PLD1: variants seen among roughly 807,000 people sequenced by gnomAD.
PLD1 encodes the protein phospholipase D1.
In PLD1, 112 loss-of-function variants were observed where a neutral mutation model predicts 137.1. That is an observed-to-expected ratio of 0.82 (90% CI 0.70 to 0.96). PLD1 has a LOEUF of 0.96. Among genes scored for constraint, PLD1 ranks in the 40% least tolerant of loss-of-function variants. The probability of loss-of-function intolerance (pLI) is 0.00; values close to 1 mark genes in which losing one functional copy is unlikely to be tolerated. For synonymous variants in PLD1, 431 were observed against 454.7 expected, an observed-to-expected ratio of 0.95 and a Z score of 0.66; for missense variants, 1,321 against 1,342.0, an observed-to-expected ratio of 0.98 and a Z score of 0.24.
chr3:171,713,887 G>A lies in PLD1; in HGVS notation c.911+6C>T, dbSNP rs756864486. 2.5e-6 allele frequency: 4 copies of A among 1,606,204 alleles called. No individual in the cohort carries two copies. The highest frequency in any genetic ancestry group is 3.4e-6 in the Non-Finnish European group (4 of 1,173,756). On this transcript the variant is annotated splice_donor_region_variant and intron_variant, in intron 9 of 26. Transcript: ENST00000351298. ...GAAATCTTTTTTAAATATTTGAAAT[G>A]TGTACCTTGAAAGATTATCAATTCG...
chr3:171,671,562 A>C (rs1712755888), intron 19 of PLD1, among the ~76,000 whole-genome samples: 3 of 152,256 alleles, frequency 2.0e-5, no homozygotes, highest in African/African-American at 7.2e-5. Flanking sequence ...TGCTCTCATT[A>C]TCTCTCTAGT....
rs755112865 is a variant in PLD1, at chr3:171,676,762, C to G, written c.2068G>C (p.Ala690Pro). 1.2e-6 allele frequency: 2 copies of G among 1,614,152 alleles called. No individual in the cohort carries two copies. The highest frequency in any genetic ancestry group is 1.7e-5 in the Admixed American group (1 of 60,028). ...DIASAVHGKA[A>P]RDVARHFIQR... ...ATGAAGTGACGTGCCACATCACGAG[C>G]CGCCTTCCCGTGGACTGCAGAGGCA... Residue 690 changes from alanine to proline, a missense_variant, in exon 18 of 27, where the codon GCT (alanine) becomes CCT (proline). By Grantham distance (27) the Ala-to-Pro change is conservative. Coordinates refer to ENST00000351298, the MANE Select transcript of PLD1 (RefSeq NM_002662.5).
At chr3:171,788,210 T>C (rs1172045453) in intron 1 of PLD1, among the ~76,000 whole-genome samples, 1 of 147,978 alleles carries the variant, frequency 6.8e-6, no homozygotes, top group African/African-American at 2.5e-5. Flanking sequence ...AAAAAAATAA[T>C]AATAAATTAA....
At chr3:171,800,410 T>C (rs541473505) in intron 1 of PLD1, among the ~76,000 whole-genome samples, 35 of 152,290 alleles carry the variant, frequency 2.3e-4, no homozygotes, top group African/African-American at 8.2e-4. Context: ...GGTTTCACCA[T>C]GTTGGCCAGG....
At chr3:171,787,397 G>A (rs1283000855) in intron 1 of PLD1, among the ~76,000 whole-genome samples, 1 of 151,972 alleles carries the variant, frequency 6.6e-6, no homozygotes, top group Admixed American at 6.6e-5. Flanking sequence ...CTTTCTCTTG[G>A]CAATGCCTTC....
intron 1 of PLD1, chr3:171,792,767 T>C (rs1723270521): frequency 2.3e-6 from 1 of 442,042 alleles, no homozygotes; most frequent in South Asian, 1.6e-5. Context: ...AGCCCCACCC[T>C]CCCCCCAGAT....
intron 1 of PLD1, chr3:171,765,465 T>A (rs1192532801): frequency 6.6e-6 from 1 of 152,210 alleles, no homozygotes; most frequent in African/African-American, 2.4e-5. Context: ...AGGTAAGTTC[T>A]GAATGGTGTT....
chr3:171,684,171 T>C (rs778732182), intron 16 of PLD1, among the ~76,000 whole-genome samples: 4 of 152,156 alleles, frequency 2.6e-5, no homozygotes, highest in Non-Finnish European at 4.4e-5. Flanking sequence ...GGGGTAGGCG[T>C]GAGTTACTTA....
chr3:171,749,720 A>C (rs1720518984), intron 1 of PLD1, among the ~76,000 whole-genome samples: 2 of 152,198 alleles, frequency 1.3e-5, no homozygotes, highest in African/African-American at 4.8e-5. Context: ...GAAGAAACAA[A>C]GAACAAACTT....
chr3:171,791,555 G>A (rs1026391010), intron 1 of PLD1, among the ~76,000 whole-genome samples: 1 of 152,176 alleles, frequency 6.6e-6, no homozygotes, highest in Admixed American at 6.5e-5. Context: ...TATCAGGCCT[G>A]TGACCAAGGG....
At chr3:171,784,494 C>G (rs1170794845) in intron 1 of PLD1, among the ~76,000 whole-genome samples, 1 of 152,136 alleles carries the variant, frequency 6.6e-6, no homozygotes, top group Non-Finnish European at 1.5e-5. Context: ...TCCAGATTCC[C>G]TAGCCTGACC....
At chr3:171,677,804 A>G in intron 16 of PLD1, 110 bp from the exon 17 acceptor site, 1 of 1,052,464 alleles carries the variant, frequency 9.5e-7, no homozygotes, top group Non-Finnish European at 1.4e-6. Context: ...TTCTTAAGAC[A>G]CAACTAGGGT....
intron 1 of PLD1, among the ~76,000 whole-genome samples, chr3:171,781,410 CA>C (rs1235676540): frequency 6.6e-6 from 1 of 150,986 alleles, no homozygotes; most frequent in Admixed American, 6.6e-5. Flanking sequence ...GAAAAAAAAA[CA>C]GACTTAGCCA....
At chr3:171,690,298 A>T (rs933760277) in intron 13 of PLD1, among the ~76,000 whole-genome samples, 8 of 152,046 alleles carry the variant, frequency 5.3e-5, no homozygotes, top group Admixed American at 5.2e-4. Flanking sequence ...TATCTTTTCA[A>T]AAAACCAACT....
chr3:171,746,208 C>T (rs747544965), intron 1 of PLD1, among the ~76,000 whole-genome samples: 2 of 152,234 alleles, frequency 1.3e-5, no homozygotes, highest in African/African-American at 4.8e-5. Flanking sequence ...ACGGGCACCA[C>T]CCCCTGCTCC....
chr3:171,751,249 T>C (rs1300138293), intron 1 of PLD1, among the ~76,000 whole-genome samples: 1 of 152,098 alleles, frequency 6.6e-6, no homozygotes, highest in Non-Finnish European at 1.5e-5. Flanking sequence ...ACATTTGAAA[T>C]ATAGAAGAAT....
intron 1 of PLD1, chr3:171,789,890 G>C (rs1308605197): frequency 1.3e-5 from 2 of 152,112 alleles, no homozygotes; most frequent in Non-Finnish European, 2.9e-5. Context: ...GATGTGGCTG[G>C]GCTGAACCAC....
At chr3:171,642,728 G>A (rs1735871349) in intron 23 of PLD1, 112 bp downstream of exon 23, 4 of 648,116 alleles carry the variant, frequency 6.2e-6, no homozygotes, top group Non-Finnish European at 1.1e-5. Flanking sequence ...CATTTTGTGG[G>A]GTACCTTTTA....
intron 23 of PLD1, among the ~76,000 whole-genome samples, chr3:171,632,982 T>C (rs1227463838): frequency 6.6e-6 from 1 of 152,182 alleles, no homozygotes; most frequent in Non-Finnish European, 1.5e-5. Flanking sequence ...TTTATTTCTT[T>C]GTGAAAAATG....
Sources: gnomAD v4.1 joint callset for allele counts (sites outside exome capture counted in the v4.1 genomes callset) on GRCh38, gnomAD v4.1.1 for gene constraint, MANE v1.5 for transcripts, NCBI Gene and HGNC (gene_info 2026-07-23, HGNC 2026-07-21) for gene names.